The following LEO1 variants were observed in gnomAD, a reference collection of about 807,000 sequenced individuals.
LEO1 encodes RNA polymerase-associated protein LEO1.
LEO1 carries 34 observed loss-of-function variants against 80.4 expected under a neutral mutation model. That is an observed-to-expected ratio of 0.42 (90% CI 0.32 to 0.56). The LOEUF is 0.56. LEO1 is among the 20% of genes least tolerant of loss of function. The pLI is 0.10. For synonymous variants in LEO1, 262 were observed against 274.9 expected, an observed-to-expected ratio of 0.95 and a Z score of 0.46; for missense variants, 631 against 814.2, an observed-to-expected ratio of 0.77 and a Z score of 2.74.
rs144909417 is a variant in LEO1, at chr15:51,957,412, C to T, written c.1245+1330G>A. ...ATGTGTCCCAAAGAAATAATATTAACAGATGGGCTAATAAACAGATGAGTA... is the reference window on the plus strand; with the variant it reads ...ATGTGTCCCAAAGAAATAATATTAATAGATGGGCTAATAAACAGATGAGTA... On this transcript the variant is annotated intron_variant, in intron 6 of 11. Transcript: ENST00000299601. 5.5e-3 allele frequency among the ~76,000 whole-genome samples: 840 copies of T among 152,078 alleles called. 10 individuals carry two copies. The highest frequency in any genetic ancestry group is 0.019 in the African/African-American group (775 of 41,466).
intron 11 of LEO1, among the ~76,000 whole-genome samples, chr15:51,939,739 C>A (rs1209384306): frequency 6.6e-6 from 1 of 152,150 alleles, no homozygotes; most frequent in Admixed American, 6.5e-5. Flanking sequence ...AAAAGTGAGC[C>A]TTGGTGTGTT....
chr15:51,959,969 T>C lies in LEO1; in HGVS notation c.1090A>G (p.Lys364Glu), dbSNP rs750894252. 10 of 1,613,576 alleles carry C rather than the reference T, an allele frequency of 6.2e-6. No homozygotes were observed. The highest frequency in any genetic ancestry group is 8.5e-6 in the Non-Finnish European group (10 of 1,179,686). Reference sequence around the variant, plus strand: ...TCGTTTCCTAAATCAGTGTTTACTTTGGGTATTTCTACTTCTATTCTGGTC... The same window carrying C: ...TCGTTTCCTAAATCAGTGTTTACTTCGGGTATTTCTACTTCTATTCTGGTC... ...PETRIEVEIP[K>E]VNTDLGNDLY... Residue 364 changes from lysine (K) to glutamate (E), a missense_variant, in exon 5 of 12, where the codon AAA becomes GAA. Lys to Glu is a moderately conservative substitution (Grantham distance 56). Around this residue, in one of 4 missense-constraint regions of LEO1, gnomAD observed 95 missense variants for 171.7 expected, o/e 0.55. Transcript: ENST00000299601.
chr15:51,958,839 T>G lies in LEO1; in HGVS notation c.1161-13A>C. 1.4e-6 allele frequency: 2 copies of G among 1,438,050 alleles called. No homozygotes were observed. Among genetic ancestry groups the G allele is most frequent in the Non-Finnish European group, 1.9e-6 (2 of 1,041,120 alleles). The allele number at this position is 1,438,050 out of a possible 1,614,324, so 89.1% of individuals were successfully genotyped here. On this transcript the variant is annotated splice_polypyrimidine_tract_variant and intron_variant, in intron 5 of 11. Transcript: ENST00000299601. ...AGGATCAAAAGGTCTACAAATTGTT[T>G]TCCAAATAAACTATTAATCATATTT...
intron 11 of LEO1, among the ~76,000 whole-genome samples, chr15:51,942,985 G>C (rs2056868134): frequency 6.6e-6 from 1 of 151,956 alleles, no homozygotes; most frequent in Non-Finnish European, 1.5e-5. Context: ...AGGCACAGTG[G>C]CTCACGCCTG....
Position 51,966,272 on chromosome 15 carries a change from C to T in LEO1, c.291G>A (p.Glu97=). 1 of 1,614,036 alleles carries T rather than the reference C, an allele frequency of 6.2e-7. No individual in the cohort carries two copies. Among genetic ancestry groups the T allele is most frequent in the Non-Finnish European group, 8.5e-7 (1 of 1,179,998 alleles). ...GATCTACATCTGAGGGGTCATTGTCCTCATGGTCAGAACGCTCAGAAGCTT... is the reference window on the plus strand; with the variant it reads ...GATCTACATCTGAGGGGTCATTGTCTTCATGGTCAGAACGCTCAGAAGCTT... The part of the protein sequence containing the change: ...RSEASERSDH[E]DNDPSDVDQH... Residue 97 remains glutamate, a synonymous_variant, in exon 2 of 12, where the codon GAG becomes GAA. Transcript: ENST00000299601.
At chr15:51,941,136 G>A (rs369410084) in intron 11 of LEO1, among the ~76,000 whole-genome samples, 1 of 152,000 alleles carries the variant, frequency 6.6e-6, no homozygotes, top group African/African-American at 2.4e-5. Flanking sequence ...ATCACACAGA[G>A]CAAAGGTATA....
intron 1 of LEO1, 81 bp downstream of exon 1, chr15:51,971,607 G>A (rs2057123815): frequency 1.4e-6 from 2 of 1,441,256 alleles, no homozygotes. Flanking sequence ...CTTGCCCGCG[G>A]CGCTGGAGCC....
At chr15:51,960,817 G>C (rs893810954) in intron 3 of LEO1, 84 bp from the exon 4 acceptor site, 2 of 799,186 alleles carry the variant, frequency 2.5e-6, no homozygotes, top group East Asian at 2.5e-5. Context: ...ACATTCCCAA[G>C]GTTTCTGGAC....
chr15:51,967,017 CT>C (rs1362053774), intron 1 of LEO1, among the ~76,000 whole-genome samples: 1 of 152,044 alleles, frequency 6.6e-6, no homozygotes, highest in Non-Finnish European at 1.5e-5. Context: ...AATCAGTAAA[CT>C]TGAAGATACC....
At chr15:51,940,351 G>A (rs973133526) in intron 11 of LEO1, among the ~76,000 whole-genome samples, 32 of 150,482 alleles carry the variant, frequency 2.1e-4, no homozygotes, top group African/African-American at 7.6e-4. Flanking sequence ...ACGAGGTCAG[G>A]AGTTCAAGAC....
In LEO1 at chr15:51,971,772, G is replaced by C. The variant is rs1297649635; in HGVS notation, c.-27C>G. 6.2e-7 allele frequency: 1 copy of C among 1,611,328 alleles called. No homozygotes were observed. Among genetic ancestry groups the C allele is most frequent in the South Asian group, 1.1e-5 (1 of 91,026 alleles). ...ATCGCTCACGTCCGCTGCTGCCTCGGTTAGGGGCAGCTCCCGGCCTCTCTT... is the reference window on the plus strand; with the variant it reads ...ATCGCTCACGTCCGCTGCTGCCTCGCTTAGGGGCAGCTCCCGGCCTCTCTT... On this transcript the variant is annotated 5_prime_UTR_variant, in exon 1 of 12. Coordinates refer to ENST00000299601, the MANE Select transcript of LEO1 (RefSeq NM_138792.4).
intron 6 of LEO1, among the ~76,000 whole-genome samples, chr15:51,955,703 C>T (rs897754076): frequency 6.6e-6 from 1 of 152,184 alleles, no homozygotes; most frequent in Non-Finnish European, 1.5e-5. Context: ...CCCCCAGTGT[C>T]AATCCTAAAC....
At chr15:51,964,205 CAA>C (rs962340145) in intron 2 of LEO1, among the ~76,000 whole-genome samples, 3 of 122,204 alleles carry the variant, frequency 2.5e-5, no homozygotes, top group Non-Finnish European at 3.5e-5. Context: ...GACTCCGTCT[CAA>C]AAAAAAAAAA....
chr15:51,939,740 T>G (rs1447342150), intron 11 of LEO1, among the ~76,000 whole-genome samples: 1 of 152,232 alleles, frequency 6.6e-6, no homozygotes, highest in East Asian at 1.9e-4. Flanking sequence ...AAAGTGAGCC[T>G]TGGTGTGTTT....
chr15:51,939,791 A>C (rs2141734335), intron 11 of LEO1, among the ~76,000 whole-genome samples: 1 of 152,344 alleles, frequency 6.6e-6, no homozygotes, highest in South Asian at 2.1e-4. Flanking sequence ...ATGAAATTTG[A>C]ATCACTAAAA....
In LEO1 at chr15:51,952,062, G is replaced by A. The variant is rs1566882795; in HGVS notation, c.1476-83C>T. On this transcript the variant is annotated intron_variant, in intron 8 of 11. Coordinates refer to ENST00000299601, the MANE Select transcript of LEO1 (RefSeq NM_138792.4). ...TGATACCCACGTCACAGAAGTAAGA[G>A]CCCAGTGACCATTTCCTAGTCACCT... is the stretch of plus-strand genomic sequence containing the variant. The A allele has an allele frequency of 9.7e-6, 12 of 1,241,370 alleles. No individual in the cohort carries two copies. In the East Asian group the frequency reaches 2.8e-4, roughly 29 times the overall value. The allele number at this position is 1,241,370 out of a possible 1,614,324, so 76.9% of individuals were successfully genotyped here. A position where few individuals can be genotyped will look rare whatever the true frequency, so the allele number is the denominator to read the frequency against.
At chr15:51,961,959 C>T (rs1419339532) in intron 3 of LEO1, among the ~76,000 whole-genome samples, 2 of 151,650 alleles carry the variant, frequency 1.3e-5, no homozygotes, top group Non-Finnish European at 1.5e-5. Flanking sequence ...ATCAGGAGTT[C>T]GAGACCAACC....
At chr15:51,966,893 AGAGT>A (rs2057082392) in intron 1 of LEO1, among the ~76,000 whole-genome samples, 1 of 152,114 alleles carries the variant, frequency 6.6e-6, no homozygotes, top group South Asian at 2.1e-4. Context: ...CCTGGGCGAC[AGAGT>A]GAGACTTTGT....
At position 51,948,186 on chromosome 15, in the gene LEO1, G is replaced by A. The variant is rs182913150; in HGVS notation, c.1799-797C>T. ...ACCTCTGGGTGGAATAAGAGCCGAG[G>A]ACTTTAGACCAAGCCCCTCCCGTCA... On this transcript the variant is annotated intron_variant, in intron 10 of 11. Coordinates refer to ENST00000299601, the MANE Select transcript of LEO1 (RefSeq NM_138792.4). 2.5e-3 allele frequency among the ~76,000 whole-genome samples: 388 copies of A among 152,254 alleles called. 5 individuals carry two copies. The highest frequency in any genetic ancestry group is 8.9e-3 in the African/African-American group (368 of 41,546).
Sources: allele counts gnomAD v4.1 joint callset (sites outside exome capture counted in the v4.1 genomes callset), GRCh38; gene constraint gnomAD v4.1.1; regional missense constraint gnomAD v4.1.1; transcripts MANE v1.5; gene names NCBI Gene and HGNC (gene_info 2026-07-23, HGNC 2026-07-21).